Variants in ARFRP1 observed in about 807,000 individuals in gnomAD.
ARFRP1 encodes ARF related protein 1.
A neutral mutation model predicts 30.3 loss-of-function variants in ARFRP1; 19 were observed. That is an observed-to-expected ratio of 0.63 (90% CI 0.44 to 0.92). The LOEUF is 0.92. ARFRP1 is among the 40% of genes least tolerant of loss of function. The probability of loss-of-function intolerance (pLI) is 0.00; values close to 1 mark genes in which losing one functional copy is unlikely to be tolerated. For missense variants in ARFRP1, 245 were observed against 267.5 expected (o/e 0.92, Z 0.59); for synonymous variants, 133 against 114.2 (o/e 1.16, Z -1.05).
rs778964903 is a variant in ARFRP1, at chr20:63,700,486, A to C, written c.563T>G (p.Val188Gly). The C allele has an allele frequency of 6.2e-7, 1 of 1,610,438 alleles. No individual in the cohort carries two copies. Among genetic ancestry groups the C allele is most frequent in the Non-Finnish European group, 8.5e-7 (1 of 1,179,862 alleles). ...EGIEWMVKCVVRNVHRPPRQR... is the reference protein window; with the variant it reads ...EGIEWMVKCVGRNVHRPPRQR... ...CCGCGGCGGCCGGTGCACATTCCGC[A>C]CGACACACTTCACCATCCACTCGAT... The change falls in exon 8 of 8, where the codon GTG (valine) becomes GGG (glycine). Residue 188 changes from valine to glycine, a missense_variant. Physicochemically the swap from Val to Gly is moderately radical, Grantham distance 109 (BLOSUM62 -3). Coordinates refer to ENST00000622789, the MANE Select transcript of ARFRP1 (RefSeq NM_001267547.3).
rs2091046878 is a variant in ARFRP1 at position 63,698,740 on chromosome 20, C to T, written c.*1703G>A. 1.4e-6 allele frequency: 1 copy of T among 715,424 alleles called. No homozygotes were observed. The highest frequency in any genetic ancestry group is 2.1e-6 in the Non-Finnish European group (1 of 484,506). 44.3% of individuals were successfully genotyped at this position (715,424 alleles called of 1,614,324 possible). A position where few individuals can be genotyped will look rare whatever the true frequency, so the allele number is the denominator to read the frequency against. On this transcript the variant is annotated 3_prime_UTR_variant, in exon 8 of 8. Transcript: ENST00000622789. Reference sequence around the variant, plus strand: ...CAGCCGGGGACACCTGAGCCGCCCGCTGTGCCCAGATCCCTCAGGCTGCCT... The same window carrying T: ...CAGCCGGGGACACCTGAGCCGCCCGTTGTGCCCAGATCCCTCAGGCTGCCT...
chr20:63,703,315 G>C (rs1193373312), intron 4 of ARFRP1: 1 of 152,284 alleles, frequency 6.6e-6, no homozygotes. Flanking sequence ...CCCCATCCCA[G>C]TGCCAGACAA....
chr20:63,706,658 G>A lies in ARFRP1; in HGVS notation c.174C>T (p.Gly58=). 3.7e-6 allele frequency: 6 copies of A among 1,611,078 alleles called. No homozygotes were observed. The highest frequency in any genetic ancestry group is 2.2e-5 in the East Asian group (1 of 44,868). The change falls in exon 3 of 8, where the codon GGC becomes GGT. Residue 58 remains glycine, a synonymous_variant. Coordinates refer to ENST00000622789, the MANE Select transcript of ARFRP1 (RefSeq NM_001267547.3). The part of the protein sequence containing the change: ...MSLSKITTTV[G]LNIGTVDVGK... The stretch of plus-strand genomic sequence containing the variant: ...TGCTATTGAGACCCTTACTGTTTAG[G>A]CCCACGGTGGTGGTGATTTTGGATA...
chr20:63,701,989 A>G (rs1222199848), intron 5 of ARFRP1, 89 bp from the exon 6 acceptor site: 2 of 944,118 alleles, frequency 2.1e-6, no homozygotes, highest in Non-Finnish European at 1.4e-6. Context: ...TGTGACAGCC[A>G]CTCCCTCTGC....
Position 63,700,200 on chromosome 20 carries a change from G to C in ARFRP1, c.*243C>G. On this transcript the variant is annotated 3_prime_UTR_variant, in exon 8 of 8. Transcript: ENST00000622789. ...AAGGGCCTCGAAAGGCCGCCGCTGC[G>C]CCCTGTGGAAAGGCTGCCGCTGCAG... 2 of 563,470 alleles carry C rather than the reference G, an allele frequency of 3.5e-6. No individual in the cohort carries two copies. The highest frequency in any genetic ancestry group is 6.3e-6 in the Non-Finnish European group (2 of 319,660). The allele number at this position is 563,470 out of a possible 1,614,324, so 34.9% of individuals were successfully genotyped here.
rs2091041470 is a variant in ARFRP1 at position 63,698,654 on chromosome 20, A to C, written c.*1789T>G. 7.5e-7 allele frequency: 1 copy of C among 1,325,344 alleles called. No individual in the cohort carries two copies. Among genetic ancestry groups the C allele is most frequent in the African/African-American group, 1.6e-5 (1 of 63,456 alleles). The allele number at this position is 1,325,344 out of a possible 1,614,324, so 82.1% of individuals were successfully genotyped here. A position where few individuals can be genotyped will look rare whatever the true frequency, so the allele number is the denominator to read the frequency against. ...TAAATAGAAGAAATGAGGTTTCTTA[A>C]AGCTTATTTTTATAAAGCTTTTTCA... On this transcript the variant is annotated 3_prime_UTR_variant, in exon 8 of 8. Coordinates refer to ENST00000622789, the MANE Select transcript of ARFRP1 (RefSeq NM_001267547.3).
chr20:63,701,550 C>G, intron 6 of ARFRP1: 1 of 576,540 alleles, frequency 1.7e-6, no homozygotes, highest in Non-Finnish European at 3.1e-6. Context: ...CCACACACTC[C>G]TGAGACACGG....
chr20:63,701,999 C>CCA (rs2091231128), intron 5 of ARFRP1, 99 bp from the exon 6 acceptor site: 17 of 46,820 alleles, frequency 3.6e-4, no homozygotes, highest in Admixed American at 1.8e-3. Flanking sequence ...ACTCCCTCTG[C>CCA]CCCCCCCCCC....
Position 63,706,837 on chromosome 20 carries a change from CAG to C in ARFRP1, c.94-101_94-100del, listed in dbSNP as rs2091495161. 4.7e-6 allele frequency: 6 copies of C among 1,285,934 alleles called. No individual in the cohort carries two copies. The African/African-American group carries it at 8.8e-5, about 19-fold the overall frequency. The allele number at this position is 1,285,934 out of a possible 1,614,324, so 79.7% of individuals were successfully genotyped here. On this transcript the variant is annotated intron_variant, in intron 2 of 7. Transcript: ENST00000622789. ...GTTCTTTAAAAGACAGAAACAGAAA[CAG>C]AGCAACACTCTGCTCTTCAGGAGGC...
At chr20:63,704,186 G>A (rs2091342928) in intron 4 of ARFRP1, 1 of 148,540 alleles carries the variant, frequency 6.7e-6, no homozygotes. Context: ...CTGTGGTGCT[G>A]GCTCTGCACA....
In ARFRP1 at chr20:63,702,140, C is replaced by T. The variant is rs112359854; in HGVS notation, c.342G>A (p.Ala114=). The stretch of plus-strand genomic sequence containing the variant: ...GAGCAGCCAGGCCGCACTCACCAAA[C>T]GCCTGCTTGGACTCAGCCAGCCTCT... ...DEERLAESKQ[A]FEKVVTSEAL... is the part of the protein sequence containing the mutation. The change falls in exon 5 of 8, where the codon GCG becomes GCA. Residue 114 remains alanine (A), a synonymous_variant. Transcript: ENST00000622789. 72 of 1,611,064 alleles carry T rather than the reference C, an allele frequency of 4.5e-5. 1 individual carries two copies. The South Asian group carries it at 6.0e-4, about 14-fold the overall frequency.
At chr20:63,705,480 A>G (rs889681472) in intron 4 of ARFRP1, 4 of 412,242 alleles carry the variant, frequency 9.7e-6, no homozygotes, top group Non-Finnish European at 1.9e-5. Context: ...AGAAGGAGAT[A>G]AACTGCAGCC....
rs527250698 is a variant in ARFRP1, at chr20:63,700,724, G to A, written c.418-22C>T. ...ACGTCTGGGGGAGGTAAGGCCGTGA[G>A]GAGCAGCCCCCACGTCTGGCCCTGT... is the stretch of plus-strand genomic sequence containing the variant. On this transcript the variant is annotated intron_variant, in intron 6 of 7. Coordinates refer to ENST00000622789, the MANE Select transcript of ARFRP1 (RefSeq NM_001267547.3). 4 of 1,607,892 alleles carry A rather than the reference G, an allele frequency of 2.5e-6. No individual in the cohort carries two copies. In the East Asian group the frequency reaches 6.7e-5, roughly 27 times the overall value.
intron 5 of ARFRP1, 98 bp from the exon 6 acceptor site, chr20:63,701,998 G>GGGCCCCCC: frequency 1.7e-6 from 1 of 583,912 alleles, no homozygotes; most frequent in Non-Finnish European, 2.6e-6. Context: ...CACTCCCTCT[G>GGGCCCCCC]CCCCCCCCCC....
chr20:63,706,319 G>A (rs1453038770), intron 4 of ARFRP1, 38 bp downstream of exon 4: 5 of 1,580,930 alleles, frequency 3.2e-6, no homozygotes, highest in Admixed American at 1.7e-5. Context: ...TGGCACTGGA[G>A]GGCTGGGGTG....
intron 5 of ARFRP1, 98 bp from the exon 6 acceptor site, chr20:63,701,998 G>GCCCCCCTCCCCCC: frequency 1.7e-6 from 1 of 583,916 alleles, no homozygotes; most frequent in Non-Finnish European, 2.6e-6. Flanking sequence ...CACTCCCTCT[G>GCCCCCCTCCCCCC]CCCCCCCCCC....
In ARFRP1 at chr20:63,700,268, C is replaced by T. The variant is rs145834455; in HGVS notation, c.*175G>A. The T allele has an allele frequency of 1.7e-5, 17 of 987,224 alleles. No individual in the cohort carries two copies. Among genetic ancestry groups the T allele is most frequent in the South Asian group, 6.5e-5 (4 of 61,546 alleles). 61.2% of individuals were successfully genotyped at this position (987,224 alleles called of 1,614,324 possible). The stretch of plus-strand genomic sequence containing the variant: ...CTGCCAGACTCCCCTCCAAAGCCTC[C>T]GGATGCCTACGCTTTTCCAGACATA... On this transcript the variant is annotated 3_prime_UTR_variant, in exon 8 of 8. Coordinates refer to ENST00000622789, the MANE Select transcript of ARFRP1 (RefSeq NM_001267547.3).
chr20:63,705,436 G>A (rs527331478), intron 4 of ARFRP1: 7 of 341,804 alleles, frequency 2.0e-5, no homozygotes, highest in Non-Finnish European at 3.5e-5. Flanking sequence ...GCTCTGCCCT[G>A]CTCAGTGCTG....
chr20:63,704,537 A>G (rs1000436195), intron 4 of ARFRP1: 1 of 152,232 alleles, frequency 6.6e-6, no homozygotes, highest in South Asian at 2.1e-4. Context: ...GCACCCCAGC[A>G]GAAGTGGTAG....
Sources: allele counts gnomAD v4.1 joint callset, GRCh38; gene constraint gnomAD v4.1.1; transcripts MANE v1.5; gene names NCBI Gene and HGNC (gene_info 2026-07-23, HGNC 2026-07-21).